Variants in MCUB observed in about 807,000 individuals in gnomAD.
MCUB encodes the protein mitochondrial calcium uniporter dominant negative subunit beta.
In MCUB, 46 loss-of-function variants were observed where a neutral mutation model predicts 41.4. The ratio of observed to expected loss-of-function variants is 1.11; its 90% confidence interval spans 0.88 to 1.42. MCUB has a LOEUF of 1.42. MCUB is among the 40% of genes most tolerant of loss of function. MCUB has a pLI of 0.00. For missense variants in MCUB, 403 were observed against 404.9 expected (o/e 1.00, Z 0.04); for synonymous variants, 148 against 148.2 (o/e 1.00, Z 0.01).
intron 1 of MCUB, among the ~76,000 whole-genome samples, chr4:109,606,261 C>T (rs1446552187): frequency 1.3e-5 from 2 of 152,096 alleles, no homozygotes; most frequent in Non-Finnish European, 2.9e-5. Context: ...AGGTGTGAGC[C>T]ACTGTGCCTG....
At chr4:109,569,851 G>A (rs1726872432) in intron 1 of MCUB, among the ~76,000 whole-genome samples, 1 of 152,130 alleles carries the variant, frequency 6.6e-6, no homozygotes, top group South Asian at 2.1e-4. Flanking sequence ...TTGTTCCAGT[G>A]GCTGACCAGC....
chr4:109,599,201 G>A (rs1727668549), intron 1 of MCUB, among the ~76,000 whole-genome samples: 1 of 152,180 alleles, frequency 6.6e-6, no homozygotes. Flanking sequence ...ACTTAATCAA[G>A]TGTTGAGCTT....
At position 109,682,788 on chromosome 4, in the gene MCUB, GT is replaced by G. The variant is rs1729749402; in HGVS notation, c.612+49del. ...AGTATATTTGAAAATAATACCTAGT[GT>G]TTATTGAGTGCTCCTCATGTGAGCA... On this transcript the variant is annotated intron_variant, in intron 5 of 7. Coordinates refer to ENST00000394650, the MANE Select transcript of MCUB (RefSeq NM_017918.5). 4 of 1,418,364 alleles carry G rather than the reference GT, an allele frequency of 2.8e-6. No individual in the cohort carries two copies. The East Asian group carries it at 9.3e-5, about 33-fold the overall frequency. The allele number at this position is 1,418,364 out of a possible 1,614,324, so 87.9% of individuals were successfully genotyped here.
At chr4:109,644,013 G>C (rs1008783949) in intron 1 of MCUB, among the ~76,000 whole-genome samples, 8 of 152,100 alleles carry the variant, frequency 5.3e-5, no homozygotes, top group Admixed American at 1.3e-4. Flanking sequence ...TTCTGGTTCG[G>C]AGGCTGCCCG....
intron 4 of MCUB, among the ~76,000 whole-genome samples, chr4:109,670,978 G>A (rs371949788): frequency 1.5e-3 from 230 of 152,260 alleles, no homozygotes; most frequent in African/African-American, 5.4e-3. Context: ...TCCTACCCTG[G>A]TACTGATTCT....
intron 1 of MCUB, among the ~76,000 whole-genome samples, chr4:109,625,660 TATTACA>T: frequency 6.6e-6 from 1 of 152,208 alleles, no homozygotes. Flanking sequence ...AGAGCATCCA[TATTACA>T]ATTACAATCA....
At chr4:109,671,705 A>G (rs747598162) in intron 4 of MCUB, among the ~76,000 whole-genome samples, 2 of 152,212 alleles carry the variant, frequency 1.3e-5, no homozygotes, top group Non-Finnish European at 2.9e-5. Flanking sequence ...AATCTCTGCC[A>G]TATCAGAGCC....
intron 3 of MCUB, 124 bp from the exon 4 acceptor site, chr4:109,664,166 C>T: frequency 1.5e-6 from 1 of 645,450 alleles, no homozygotes; most frequent in Non-Finnish European, 2.8e-6. Context: ...GGGACACCCC[C>T]CACAAAAGTA....
chr4:109,670,544 T>C (rs1445880603), intron 4 of MCUB, among the ~76,000 whole-genome samples: 2 of 151,916 alleles, frequency 1.3e-5, no homozygotes, highest in Non-Finnish European at 2.9e-5. Context: ...GGTGAAACCC[T>C]GTCTCTACTA....
chr4:109,650,385 A>T (rs903340801), intron 1 of MCUB, among the ~76,000 whole-genome samples: 1 of 152,194 alleles, frequency 6.6e-6, no homozygotes, highest in African/African-American at 2.4e-5. Context: ...CTGGCATGCA[A>T]AAAAGGTTTA....
rs1309650698 is a variant in MCUB at position 109,660,272 on chromosome 4, G to A, written c.253G>A (p.Val85Ile). The change falls in exon 3 of 8, where the codon GTA (valine) becomes ATA (isoleucine). Residue 85 changes from valine to isoleucine, a missense_variant. Transcript: ENST00000394650. ...LPSRKERCQF[V>I]VKPMLSTVGS... The stretch of plus-strand genomic sequence containing the variant: ...ATCTAGAAAAGAACGTTGTCAATTC[G>A]TAGTCAAACCAATGTTGTCAACAGT... The A allele has an allele frequency of 1.1e-5, 18 of 1,601,774 alleles. No individual in the cohort carries two copies. The Middle Eastern group carries it at 9.9e-4, about 88-fold the overall frequency.
At chr4:109,634,034 T>C (rs565576517) in intron 1 of MCUB, among the ~76,000 whole-genome samples, 1 of 152,182 alleles carries the variant, frequency 6.6e-6, no homozygotes. Context: ...CCAAGGAGAA[T>C]TTAAATCTCA....
chr4:109,632,349 A>G (rs1022822399), intron 1 of MCUB, among the ~76,000 whole-genome samples: 2 of 151,726 alleles, frequency 1.3e-5, no homozygotes, highest in African/African-American at 2.4e-5. Context: ...GCTTTTTTCA[A>G]CTAGAGAAAT....
chr4:109,671,754 G>A (rs1451343842), intron 4 of MCUB, among the ~76,000 whole-genome samples: 1 of 152,096 alleles, frequency 6.6e-6, no homozygotes, highest in Non-Finnish European at 1.5e-5. Context: ...AACTGTGGTT[G>A]TTGTTGTTTT....
intron 1 of MCUB, among the ~76,000 whole-genome samples, chr4:109,620,886 C>G (rs942343549): frequency 6.9e-6 from 1 of 144,376 alleles, no homozygotes; most frequent in Non-Finnish European, 1.5e-5. Flanking sequence ...ACAAGAACTT[C>G]AACATTCTTC....
chr4:109,687,465 G>A (rs955133341), intron 7 of MCUB, 50 bp from the exon 8 acceptor site: 2 of 1,251,422 alleles, frequency 1.6e-6, no homozygotes, highest in African/African-American at 3.0e-5. Flanking sequence ...AGTAATGTTG[G>A]TATGTTTCTC....
At chr4:109,601,402 C>T (rs925131952) in intron 1 of MCUB, among the ~76,000 whole-genome samples, 5 of 152,092 alleles carry the variant, frequency 3.3e-5, no homozygotes, top group Admixed American at 6.6e-5. Context: ...CCCTGTTACC[C>T]CTCCCAGCCT....
chr4:109,649,940 C>A (rs1411397118), intron 1 of MCUB, among the ~76,000 whole-genome samples: 3 of 152,124 alleles, frequency 2.0e-5, no homozygotes, highest in African/African-American at 7.2e-5. Flanking sequence ...GAAGTGGGGC[C>A]TGATTTGGGG....
At chr4:109,641,780 C>A (rs4698773) in intron 1 of MCUB, among the ~76,000 whole-genome samples, 41,568 of 152,088 alleles carry the variant, frequency 0.27, 5,879 homozygotes, top group African/African-American at 0.31. Context: ...TGTGAAGGAA[C>A]CTTCTGATTT....
Sources: allele counts gnomAD v4.1 joint callset (sites outside exome capture counted in the v4.1 genomes callset), GRCh38; gene constraint gnomAD v4.1.1; transcripts MANE v1.5; gene names NCBI Gene and HGNC (gene_info 2026-07-23, HGNC 2026-07-21).